MGA: variants seen among roughly 807,000 people sequenced by gnomAD.
MGA encodes the protein MAX dimerization protein MGA.
Under a neutral mutation model 261.1 loss-of-function variants are expected in MGA, and 40 were observed. The ratio of observed to expected loss-of-function variants is 0.15; its 90% CI spans 0.12 to 0.20. The LOEUF is 0.20. Ranked by LOEUF, MGA falls within the 10% of genes least tolerant of loss-of-function variation. The pLI is 1.00. For synonymous variants in MGA, 1,302 were observed against 1,290.6 expected (o/e 1.01, Z -0.19); for missense variants, 3,397 against 3,630.5 (o/e 0.94, Z 1.65).
At chr15:41,717,349 T>A (rs567756603) in intron 9 of MGA, among the ~76,000 whole-genome samples, 1 of 152,102 alleles carries the variant, frequency 6.6e-6, no homozygotes, top group South Asian at 2.1e-4. Flanking sequence ...AATATACCTA[T>A]AAATTAACAA....
At chr15:41,693,055 G>A (rs1428009277) in intron 2 of MGA, among the ~76,000 whole-genome samples, 1 of 152,068 alleles carries the variant, frequency 6.6e-6, no homozygotes, top group Non-Finnish European at 1.5e-5. Flanking sequence ...CCCCAGAGTG[G>A]TCTCAAACTC....
intron 12 of MGA, 92 bp downstream of exon 12, chr15:41,734,686 G>T (rs1305790155): frequency 5.3e-6 from 5 of 951,160 alleles, no homozygotes; most frequent in Non-Finnish European, 7.7e-6. Context: ...CATCAATTCA[G>T]AATATGTCTG....
chr15:41,686,846 A>T (rs899066443), intron 2 of MGA, among the ~76,000 whole-genome samples: 2 of 152,130 alleles, frequency 1.3e-5, no homozygotes, highest in Non-Finnish European at 2.9e-5. Flanking sequence ...TGATGATATC[A>T]TCCTTTTTAA....
intron 1 of MGA, among the ~76,000 whole-genome samples, chr15:41,653,383 C>CA (rs1249041907): frequency 1.4e-5 from 2 of 147,508 alleles, no homozygotes; most frequent in Non-Finnish European, 3.0e-5. Context: ...AAAAAAACAA[C>CA]AAAAAACAAC....
rs909463564 is a variant in MGA at position 41,728,642 on chromosome 15, T to C, written c.3658-522T>C. On this transcript the variant is annotated intron_variant, in intron 10 of 23. Coordinates refer to ENST00000219905, the MANE Select transcript of MGA (RefSeq NM_001164273.2). ...TTCATACTATCTTCACATGGAGTAG[T>C]CTGAGGAGGAACAGGAAGAGTTGAT... 2.6e-5 allele frequency among the ~76,000 whole-genome samples: 4 copies of C among 152,198 alleles called. 1 individual carries two copies. The highest frequency in any genetic ancestry group is 2.1e-4 in the South Asian group (1 of 4,834).
At chr15:41,635,533 A>C (rs1166765740) in intron 1 of MGA, among the ~76,000 whole-genome samples, 1 of 151,990 alleles carries the variant, frequency 6.6e-6, no homozygotes, top group East Asian at 1.9e-4. Context: ...CCTCCTATAA[A>C]AAATTTTAAA....
chr15:41,729,734 A>G (rs1221650503), intron 11 of MGA, among the ~76,000 whole-genome samples: 1 of 152,064 alleles, frequency 6.6e-6, no homozygotes, highest in Admixed American at 6.5e-5. Flanking sequence ...GTGCTGAGGA[A>G]CGAGAATTAC....
intron 11 of MGA, among the ~76,000 whole-genome samples, chr15:41,733,138 A>C (rs887230375): frequency 2.0e-5 from 3 of 152,030 alleles, no homozygotes; most frequent in African/African-American, 7.2e-5. Flanking sequence ...TCTATGCTTT[A>C]GTTGAGACGG....
At chr15:41,621,432 C>G (rs1204082823) in intron 1 of MGA, 1 of 152,322 alleles carries the variant, frequency 6.6e-6, no homozygotes, top group Non-Finnish European at 1.5e-5. Context: ...GGCGCCGCTT[C>G]GAGCTCGGTG....
chr15:41,654,590 G>A (rs1374977884), intron 1 of MGA, among the ~76,000 whole-genome samples: 2 of 152,100 alleles, frequency 1.3e-5, no homozygotes, highest in Admixed American at 1.3e-4. Context: ...ATATGCATTT[G>A]TAAACAATTT....
intron 1 of MGA, among the ~76,000 whole-genome samples, chr15:41,636,124 C>T (rs1399165260): frequency 2.6e-5 from 4 of 151,802 alleles, no homozygotes; most frequent in South Asian, 4.2e-4. Flanking sequence ...CCTGCAAATA[C>T]CTCATCTACT....
intron 13 of MGA, among the ~76,000 whole-genome samples, chr15:41,737,477 G>A (rs1288431255): frequency 3.3e-5 from 5 of 151,678 alleles, no homozygotes; most frequent in African/African-American, 9.7e-5. Context: ...TTAGTAAGGT[G>A]TTATTTAAAT....
intron 1 of MGA, among the ~76,000 whole-genome samples, chr15:41,630,843 C>G (rs1302768472): frequency 2.0e-5 from 3 of 152,130 alleles, no homozygotes; most frequent in African/African-American, 7.2e-5. Flanking sequence ...ATCAGCAGTA[C>G]TCACCCCAGG....
chr15:41,689,510 T>A (rs2059153898), intron 2 of MGA, among the ~76,000 whole-genome samples: 1 of 151,678 alleles, frequency 6.6e-6, no homozygotes, highest in African/African-American at 2.4e-5. Context: ...TATTTATTTA[T>A]TTGTTTTCAT....
intron 17 of MGA, among the ~76,000 whole-genome samples, chr15:41,753,794 T>G (rs1328423218): frequency 6.6e-6 from 1 of 152,230 alleles, no homozygotes; most frequent in Non-Finnish European, 1.5e-5. Flanking sequence ...TTACTGTTAT[T>G]TAATCTTAAG....
chr15:41,662,825 A>G (rs2057495544), intron 1 of MGA, among the ~76,000 whole-genome samples: 1 of 111,602 alleles, frequency 9.0e-6, no homozygotes, highest in African/African-American at 2.9e-5. Flanking sequence ...ATTAAGGAAT[A>G]TACTAACATC....
At chr15:41,627,154 TG>T (rs1198661749) in intron 1 of MGA, among the ~76,000 whole-genome samples, 2 of 152,180 alleles carry the variant, frequency 1.3e-5, no homozygotes, top group Non-Finnish European at 2.9e-5. Context: ...CTGCTCTCCT[TG>T]GCCTCCCAAA....
At chr15:41,676,708 C>G (rs1025371797) in intron 2 of MGA, among the ~76,000 whole-genome samples, 2 of 152,122 alleles carry the variant, frequency 1.3e-5, no homozygotes, top group Non-Finnish European at 2.9e-5. Context: ...AAATTTCTTA[C>G]ACACATTTTT....
At chr15:41,642,159 T>A (rs1191706240) in intron 1 of MGA, among the ~76,000 whole-genome samples, 2 of 152,182 alleles carry the variant, frequency 1.3e-5, no homozygotes, top group African/African-American at 2.4e-5. Context: ...TGAAATGGCA[T>A]CTCATTTGGT....
Sources: gnomAD v4.1 joint callset for allele counts (sites outside exome capture counted in the v4.1 genomes callset) on GRCh38, gnomAD v4.1.1 for gene constraint, MANE v1.5 for transcripts, NCBI Gene and HGNC (gene_info 2026-07-23, HGNC 2026-07-21) for gene names.